IGF2BP1: variants seen among roughly 807,000 people sequenced by gnomAD.
IGF2BP1 encodes the protein insulin-like growth factor 2 mRNA-binding protein 1.
IGF2BP1 carries 11 observed loss-of-function variants against 74.9 expected under a neutral mutation model. That is an observed-to-expected ratio of 0.15 (90% CI 0.09 to 0.24). IGF2BP1 has a LOEUF of 0.24. IGF2BP1 is among the 10% of genes least tolerant of loss of function. The pLI is 1.00. For synonymous variants in IGF2BP1, 287 were observed against 281.8 expected (o/e 1.02, Z -0.18); for missense variants, 440 against 757.4 (o/e 0.58, Z 4.92).
chr17:49,025,713 G>A, intron 3 of IGF2BP1, 47 bp downstream of exon 3: 2 of 1,562,202 alleles, frequency 1.3e-6, no homozygotes, highest in Non-Finnish European at 1.8e-6. Flanking sequence ...AGTGGAGCCT[G>A]GAAAGTACGT....
rs970448168 is a variant in IGF2BP1, at chr17:49,051,783, C to G, written c.*2339C>G. On this transcript the variant is annotated 3_prime_UTR_variant, in exon 15 of 15. Coordinates refer to ENST00000290341, the MANE Select transcript of IGF2BP1 (RefSeq NM_006546.4). ...CGTTCGTGGAAAAAAGACAAGGCCACCCTCTCGCCCTCAGAGAGGTCCACC... is the reference window on the plus strand; with the variant it reads ...CGTTCGTGGAAAAAAGACAAGGCCAGCCTCTCGCCCTCAGAGAGGTCCACC... 6.6e-6 allele frequency: 1 copy of G among 152,144 alleles called. No individual in the cohort carries two copies. Among genetic ancestry groups the G allele is most frequent in the African/African-American group, 2.4e-5 (1 of 41,426 alleles). 9.4% of individuals were successfully genotyped at this position (152,144 alleles called of 1,614,324 possible).
At chr17:49,042,405 A>C in intron 9 of IGF2BP1, 28 bp downstream of exon 9, 2 of 1,613,798 alleles carry the variant, frequency 1.2e-6, no homozygotes. Context: ...CCCTCTGCTT[A>C]TCCTTTCCTG....
rs149988122 is a variant in IGF2BP1, at chr17:49,017,149, G to A, written c.237-8469G>A. ...TGGGAGAGGGGCCAGCTTTGGGAGGGGGCTTCTACTCTGGTGTCAGCCACA... is the reference window on the plus strand; with the variant it reads ...TGGGAGAGGGGCCAGCTTTGGGAGGAGGCTTCTACTCTGGTGTCAGCCACA... On this transcript the variant is annotated intron_variant, in intron 2 of 14. Transcript: ENST00000290341. Among the ~76,000 whole-genome samples the A allele has an allele frequency of 2.3e-3, 349 of 152,088 alleles. 1 individual carries two copies. Among genetic ancestry groups the A allele is most frequent in the Non-Finnish European group, 3.7e-3 (253 of 67,974 alleles).
intron 2 of IGF2BP1, among the ~76,000 whole-genome samples, chr17:49,014,558 G>A (rs574045133): frequency 6.6e-6 from 1 of 152,080 alleles, no homozygotes; most frequent in African/African-American, 2.4e-5. Flanking sequence ...GCACTTGAGG[G>A]GGGGAGGAGG....
At chr17:49,043,870 G>T (rs1317885064) in intron 10 of IGF2BP1, 97 bp from the exon 11 acceptor site, 5 of 1,529,140 alleles carry the variant, frequency 3.3e-6, no homozygotes, top group Non-Finnish European at 4.4e-6. Flanking sequence ...TTTGGTGCCT[G>T]TACTCCTTCC....
chr17:49,014,895 C>T (rs2041675099), intron 2 of IGF2BP1: 2 of 985,364 alleles, frequency 2.0e-6, no homozygotes, highest in South Asian at 4.7e-5. Context: ...CTCCTGGCTC[C>T]TGAGAGGGCC....
At chr17:49,021,830 C>T (rs2041796554) in intron 2 of IGF2BP1, among the ~76,000 whole-genome samples, 1 of 152,182 alleles carries the variant, frequency 6.6e-6, no homozygotes, top group Non-Finnish European at 1.5e-5. Flanking sequence ...CTTCTCAGCT[C>T]TGGTAGAAGC....
chr17:49,006,737 G>A (rs985049301), intron 2 of IGF2BP1, among the ~76,000 whole-genome samples: 4 of 152,176 alleles, frequency 2.6e-5, no homozygotes, highest in Non-Finnish European at 5.9e-5. Flanking sequence ...TGTTGAAGGG[G>A]ATCTGTGCGT....
In IGF2BP1 at chr17:49,040,068, T is replaced by A. The variant is rs61751193; in HGVS notation, c.795T>A (p.His265Gln). The A allele has an allele frequency of 9.8e-3, 15,742 of 1,614,098 alleles. 93 individuals are homozygous for A. Among genetic ancestry groups the A allele is most frequent in the Non-Finnish European group, 0.012 (14,280 of 1,180,014 alleles). The change falls in exon 7 of 15, where the codon CAT becomes CAA. Residue 265 changes from histidine (H) to glutamine (Q), a missense_variant. This residue lies in a region of IGF2BP1 where 184 missense variants were observed against 273.4 expected (regional missense o/e 0.67). Coordinates refer to ENST00000290341, the MANE Select transcript of IGF2BP1 (RefSeq NM_006546.4). ...GTAAGATGATCTTGGAGATTATGCA[T>A]AAAGAGGCTAAGGACACCAAAACGT... ...SACKMILEIM[H>Q]KEAKDTKTAD...
chr17:49,019,071 G>A (rs2041743063), intron 2 of IGF2BP1, among the ~76,000 whole-genome samples: 1 of 152,090 alleles, frequency 6.6e-6, no homozygotes, highest in Non-Finnish European at 1.5e-5. Flanking sequence ...CAGTTTAAAG[G>A]CAGTCCTCCC....
chr17:49,018,997 A>G (rs1006282954), intron 2 of IGF2BP1, among the ~76,000 whole-genome samples: 8 of 152,110 alleles, frequency 5.3e-5, no homozygotes, highest in African/African-American at 1.9e-4. Flanking sequence ...CCCAAACTAG[A>G]CAAGATTCCA....
In IGF2BP1 at chr17:49,043,700, C is replaced by T. The variant is rs528375225; in HGVS notation, c.1200+150C>T. ...GAGGCATCCCTCCTCTCCAGTGCTC[C>T]TAGCCACTGGCTCTGAGGCTCCCAA... is the stretch of plus-strand genomic sequence containing the variant. On this transcript the variant is annotated intron_variant, in intron 10 of 14. Coordinates refer to ENST00000290341, the MANE Select transcript of IGF2BP1 (RefSeq NM_006546.4). 617 of 1,040,388 alleles carry T rather than the reference C, an allele frequency of 5.9e-4. 6 individuals are homozygous for T. In the South Asian group the frequency reaches 9.6e-3, roughly 16 times the overall value. The allele number at this position is 1,040,388 out of a possible 1,614,324, so 64.4% of individuals were successfully genotyped here.
intron 6 of IGF2BP1, among the ~76,000 whole-genome samples, chr17:49,038,910 C>T (rs936194801): frequency 4.4e-4 from 59 of 135,336 alleles, no homozygotes; most frequent in Non-Finnish European, 7.3e-4. Flanking sequence ...CAGAGTTTTG[C>T]TCTGTTGCCC....
intron 3 of IGF2BP1, 30 bp downstream of exon 3, chr17:49,025,696 G>A: frequency 6.3e-7 from 1 of 1,596,396 alleles, no homozygotes; most frequent in Non-Finnish European, 8.6e-7. Flanking sequence ...TCTAAATGGA[G>A]TGGGATAGTG....
At chr17:49,034,115 CTT>C (rs762314265) in intron 5 of IGF2BP1, among the ~76,000 whole-genome samples, 113 of 118,396 alleles carry the variant, frequency 9.5e-4, no homozygotes, top group African/African-American at 1.8e-3. Context: ...TGATTTGCCC[CTT>C]TTTTTTTTTT....
chr17:49,019,987 CATATATATACACACACACACACAT>C (rs1280713648), intron 2 of IGF2BP1, among the ~76,000 whole-genome samples: 20 of 87,516 alleles, frequency 2.3e-4, no homozygotes, highest in Non-Finnish European at 3.6e-4. Context: ...TACACCCACA[CATATATATACACACACACACACAT>C]ATATATACAC....
At chr17:49,021,973 TA>T (rs2041798344) in intron 2 of IGF2BP1, among the ~76,000 whole-genome samples, 1 of 152,222 alleles carries the variant, frequency 6.6e-6, no homozygotes, top group South Asian at 2.1e-4. Flanking sequence ...TAATAACTGT[TA>T]ACTATTGTCA....
intron 6 of IGF2BP1, among the ~76,000 whole-genome samples, chr17:49,039,645 T>C (rs2144120326): frequency 6.6e-6 from 1 of 152,090 alleles, no homozygotes; most frequent in Admixed American, 6.5e-5. Flanking sequence ...CAGGCTGGTC[T>C]CAAACTCCTG....
At chr17:49,015,899 G>A (rs1212412211) in intron 2 of IGF2BP1, among the ~76,000 whole-genome samples, 1 of 152,156 alleles carries the variant, frequency 6.6e-6, no homozygotes, top group African/African-American at 2.4e-5. Context: ...TCCACAAGTT[G>A]CTTCCTTCCT....
Sources: allele counts gnomAD v4.1 joint callset (sites outside exome capture counted in the v4.1 genomes callset), GRCh38; gene constraint gnomAD v4.1.1; regional missense constraint gnomAD v4.1.1; transcripts MANE v1.5; gene names NCBI Gene and HGNC (gene_info 2026-07-23, HGNC 2026-07-21).